Variants in ROBO1 observed in about 807,000 individuals in gnomAD.
The protein encoded by ROBO1 is roundabout guidance receptor 1, also known as roundabout homolog 1.
A neutral mutation model predicts 195.9 loss-of-function variants in ROBO1; 149 were observed. The observed-to-expected ratio is 0.76, with a 90% confidence interval of 0.67 to 0.87. The LOEUF is 0.87. Among genes scored for constraint, ROBO1 ranks in the 40% least tolerant of loss-of-function variants. ROBO1 has a pLI of 0.00. For missense variants in ROBO1, 1,933 were observed against 2,068.3 expected (o/e 0.93, Z 1.27); for synonymous variants, 816 against 733.2 (o/e 1.11, Z -1.82).
At chr3:78,971,700 T>C (rs901110054) in intron 3 of ROBO1, among the ~76,000 whole-genome samples, 1 of 152,200 alleles carries the variant, frequency 6.6e-6, no homozygotes, top group Non-Finnish European at 1.5e-5. Flanking sequence ...TAGTATGAGT[T>C]AGATAAAAAA....
intron 2 of ROBO1, among the ~76,000 whole-genome samples, chr3:79,530,657 A>G (rs990307480): frequency 3.3e-5 from 5 of 152,008 alleles, no homozygotes; most frequent in Admixed American, 1.3e-4. Context: ...CTCAGTGGCT[A>G]TCGCTTCCTA....
In ROBO1 at chr3:78,634,030, T is replaced by C; in HGVS notation, c.3386A>G (p.Asn1129Ser). The change falls in exon 24 of 31, where the codon AAT (asparagine) becomes AGT (serine). Residue 1129 changes from asparagine to serine, a missense_variant. Coordinates refer to ENST00000464233, the MANE Select transcript of ROBO1 (RefSeq NM_002941.4). The part of the protein sequence containing the change: ...QNKLNKDYRA[N>S]DTVPPTIPYN... Reference sequence around the variant, plus strand: ...TGGGATAGTTGGAGGAACTGTGTCATTTGCTCGATAATCTAGACATATCAG... The same window carrying C: ...TGGGATAGTTGGAGGAACTGTGTCACTTGCTCGATAATCTAGACATATCAG... 1 of 1,608,320 alleles carries C rather than the reference T, an allele frequency of 6.2e-7. No individual in the cohort carries two copies.
chr3:79,672,139 G>T (rs1946651758), intron 1 of ROBO1, among the ~76,000 whole-genome samples: 1 of 151,924 alleles, frequency 6.6e-6, no homozygotes, highest in Non-Finnish European at 1.5e-5. Context: ...TATTTAATTT[G>T]CTCTTGTATT....
chr3:79,290,610 G>A (rs970620882), intron 2 of ROBO1, among the ~76,000 whole-genome samples: 1 of 151,984 alleles, frequency 6.6e-6, no homozygotes, highest in African/African-American at 2.4e-5. Flanking sequence ...TTACATATAT[G>A]CTCTGACTGT....
intron 3 of ROBO1, among the ~76,000 whole-genome samples, chr3:78,959,940 G>A (rs985638920): frequency 6.6e-6 from 1 of 152,102 alleles, no homozygotes. Flanking sequence ...TATGCTTTTG[G>A]GGAGTGGGGG....
chr3:79,513,744 C>T (rs1328783443), intron 2 of ROBO1, among the ~76,000 whole-genome samples: 1 of 151,876 alleles, frequency 6.6e-6, no homozygotes, highest in African/African-American at 2.4e-5. Context: ...TGCACATAGA[C>T]TATTGTGTGA....
At chr3:79,122,138 T>C (rs2108563639) in intron 3 of ROBO1, among the ~76,000 whole-genome samples, 1 of 152,168 alleles carries the variant, frequency 6.6e-6, no homozygotes, top group Non-Finnish European at 1.5e-5. Context: ...TTCAGACTCT[T>C]TTGGATGTAT....
intron 1 of ROBO1, among the ~76,000 whole-genome samples, chr3:79,613,853 T>C (rs1944741137): frequency 6.6e-6 from 1 of 151,970 alleles, no homozygotes; most frequent in Non-Finnish European, 1.5e-5. Flanking sequence ...AAACACTAAA[T>C]TGATGAAATT....
chr3:78,957,024 T>G (rs2041081495), intron 3 of ROBO1, among the ~76,000 whole-genome samples: 1 of 151,378 alleles, frequency 6.6e-6, no homozygotes, highest in Admixed American at 6.6e-5. Context: ...AATCTTAACA[T>G]TATTTCTTAG....
At chr3:79,381,736 G>GT (rs1360997654) in intron 2 of ROBO1, among the ~76,000 whole-genome samples, 2 of 151,722 alleles carry the variant, frequency 1.3e-5, no homozygotes, top group African/African-American at 4.8e-5. Context: ...AACTTTATTA[G>GT]TTTTCCTACA....
intron 3 of ROBO1, among the ~76,000 whole-genome samples, chr3:78,960,496 T>A (rs1252524990): frequency 1.3e-5 from 2 of 151,948 alleles, no homozygotes; most frequent in Admixed American, 1.3e-4. Context: ...GAATACATAA[T>A]GGGTCCGGGT....
At chr3:78,684,571 T>C (rs2043661) in intron 10 of ROBO1, among the ~76,000 whole-genome samples, 28,099 of 152,084 alleles carry the variant, frequency 0.18, 3,194 homozygotes, top group East Asian at 0.5. Context: ...AACAGTATTC[T>C]AGCAACAGTA....
intron 3 of ROBO1, among the ~76,000 whole-genome samples, chr3:79,059,777 G>A (rs1028707643): frequency 6.6e-6 from 1 of 151,918 alleles, no homozygotes; most frequent in Admixed American, 6.6e-5. Context: ...CCTAAACTGA[G>A]GATGTATGTT....
At chr3:79,308,380 A>G (rs890905421) in intron 2 of ROBO1, among the ~76,000 whole-genome samples, 2 of 152,296 alleles carry the variant, frequency 1.3e-5, no homozygotes, top group South Asian at 2.1e-4. Flanking sequence ...TACTTTTGTG[A>G]AAAATGTATA....
chr3:79,212,295 T>C (rs961997767), intron 2 of ROBO1, among the ~76,000 whole-genome samples: 1 of 152,164 alleles, frequency 6.6e-6, no homozygotes, highest in African/African-American at 2.4e-5. Context: ...GTGGCCAGAT[T>C]TGGGGGCTTA....
chr3:79,598,315 T>C (rs2107852809), intron 1 of ROBO1, among the ~76,000 whole-genome samples: 1 of 152,100 alleles, frequency 6.6e-6, no homozygotes, highest in South Asian at 2.1e-4. Context: ...GAAGCACACA[T>C]CCTTTTAGAA....
intron 2 of ROBO1, among the ~76,000 whole-genome samples, chr3:79,327,926 G>A (rs1332858040): frequency 1.3e-5 from 2 of 151,992 alleles, no homozygotes; most frequent in African/African-American, 2.4e-5. Context: ...CATTTGCTTT[G>A]GTATACTGTA....
intron 2 of ROBO1, among the ~76,000 whole-genome samples, chr3:79,510,584 G>T (rs1484922912): frequency 6.7e-6 from 1 of 149,616 alleles, no homozygotes. Flanking sequence ...TCAAGTTGGA[G>T]GATATTTTAA....
intron 28 of ROBO1, among the ~76,000 whole-genome samples, chr3:78,612,474 A>G (rs1345093390): frequency 6.6e-6 from 1 of 152,176 alleles, no homozygotes; most frequent in Non-Finnish European, 1.5e-5. Flanking sequence ...CTTTGGGAAA[A>G]TAATTTCCGA....
Sources: allele counts gnomAD v4.1 joint callset (sites outside exome capture counted in the v4.1 genomes callset), GRCh38; gene constraint gnomAD v4.1.1; transcripts MANE v1.5; gene names NCBI Gene and HGNC (gene_info 2026-07-23, HGNC 2026-07-21).